AQP4: variants seen among roughly 807,000 people sequenced by gnomAD.
The protein encoded by AQP4 is aquaporin 4.
Under a neutral mutation model 27.8 loss-of-function variants are expected in AQP4, and 18 were observed. The observed-to-expected ratio is 0.65, with a 90% CI of 0.45 to 0.96. The LOEUF (loss-of-function observed/expected upper bound fraction) is 0.96, where lower values mean the gene tolerates loss of function less well. Among genes scored for constraint, AQP4 ranks in the 40% least tolerant of loss-of-function variants. The pLI, the probability that AQP4 is intolerant of heterozygous loss-of-function variation, is 0.00. For synonymous variants in AQP4, 141 were observed against 142.9 expected (o/e 0.99, Z 0.10); for missense variants, 412 against 408.2 (o/e 1.01, Z -0.08).
rs2054834721 is a variant in AQP4, at chr18:26,856,068, T to C, written c.*143A>G. The C allele has an allele frequency of 1.0e-6, 1 of 1,002,114 alleles. No individual in the cohort carries two copies. The allele number at this position is 1,002,114 out of a possible 1,614,324, so 62.1% of individuals were successfully genotyped here. ...TTCCTCCTTTGTAAATTATGAAATA[T>C]TTATTGTTTAGACTGAGTAATATGA... On this transcript the variant is annotated 3_prime_UTR_variant, in exon 5 of 5. Coordinates refer to ENST00000383168, the MANE Select transcript of AQP4 (RefSeq NM_001650.7).
At chr18:26,858,139 G>T (rs1052478329) in intron 4 of AQP4, among the ~76,000 whole-genome samples, 1 of 152,038 alleles carries the variant, frequency 6.6e-6, no homozygotes, top group Non-Finnish European at 1.5e-5. Context: ...GGGCTTGGTG[G>T]TGTGCACCTG....
At chr18:26,860,285 G>A (rs67207056) in intron 4 of AQP4, among the ~76,000 whole-genome samples, 13,290 of 152,172 alleles carry the variant, frequency 0.087, 813 homozygotes, top group Non-Finnish European at 0.12. Flanking sequence ...TATTAATTGA[G>A]TTCATGCATT....
chr18:26,864,860 C>T (rs2055028724), intron 1 of AQP4, among the ~76,000 whole-genome samples: 1 of 152,058 alleles, frequency 6.6e-6, no homozygotes, highest in African/African-American at 2.4e-5. Flanking sequence ...TGCTCACCCC[C>T]TTCACCTCTC....
At chr18:26,861,425 C>T in intron 2 of AQP4, 130 bp from the exon 3 acceptor site, 1 of 868,056 alleles carries the variant, frequency 1.2e-6, no homozygotes, top group Non-Finnish European at 1.8e-6. Context: ...CCACCTTCAA[C>T]TGAGAATTTC....
At chr18:26,865,491 A>G in intron 1 of AQP4, 167 bp downstream of exon 1, 1 of 839,640 alleles carries the variant, frequency 1.2e-6, no homozygotes, top group Non-Finnish European at 2.1e-6. Flanking sequence ...TACCTTCTCT[A>G]TGCCTCTCTT....
At position 26,856,323 on chromosome 18, in the gene AQP4, A is replaced by G; in HGVS notation, c.860T>C (p.Val287Ala). 9 of 1,614,204 alleles carry G rather than the reference A, an allele frequency of 5.6e-6. No homozygotes were observed. The highest frequency in any genetic ancestry group is 7.6e-6 in the Non-Finnish European group (9 of 1,180,032). Residue 287 changes from valine to alanine, a missense_variant, in exon 5 of 5, where the codon GTA (valine) becomes GCA (alanine). Physicochemically the swap from Val to Ala is moderately conservative, Grantham distance 64. Coordinates refer to ENST00000383168, the MANE Select transcript of AQP4 (RefSeq NM_001650.7). ...TTTTAGAATCAGGTCATCCGTCTCTACCTGACTCCTGTTGTCCTCCACCTC... is the reference window on the plus strand; with the variant it reads ...TTTTAGAATCAGGTCATCCGTCTCTGCCTGACTCCTGTTGTCCTCCACCTC... ...YMEVEDNRSQ[V>A]ETDDLILKPG...
intron 3 of AQP4, 125 bp from the exon 4 acceptor site, chr18:26,860,977 AT>A: frequency 7.4e-7 from 1 of 1,357,972 alleles, no homozygotes; most frequent in Non-Finnish European, 1.1e-6. Context: ...CTATATCAAC[AT>A]TCTCATTGAG....
rs775315055 is a variant in AQP4 at position 26,855,942 on chromosome 18, G to A, written c.*269C>T. The A allele has an allele frequency of 4.6e-6, 2 of 430,140 alleles. No individual in the cohort carries two copies. The highest frequency in any genetic ancestry group is 8.5e-6 in the Non-Finnish European group (2 of 235,738). 26.6% of individuals were successfully genotyped at this position (430,140 alleles called of 1,614,324 possible). A position where few individuals can be genotyped will look rare whatever the true frequency, so the allele number is the denominator to read the frequency against. On this transcript the variant is annotated 3_prime_UTR_variant, in exon 5 of 5. Transcript: ENST00000383168. ...TCTTGACACACGGTTAAAATTGGTT[G>A]TTAATGAAAGGTAACTAGATAAAAT...
Position 26,856,251 on chromosome 18 carries a change from T to C in AQP4, c.932A>G (p.Lys311Arg), listed in dbSNP as rs1224886579. ...TACCTCTCCAGATTGGTCTTTCCCC[T>C]TCTTCTCCTCTCCCCGGTCAACGTC... is the stretch of plus-strand genomic sequence containing the variant. The part of the protein sequence containing the change: ...VIDVDRGEEK[K>R]GKDQSGEVLS... Residue 311 changes from lysine to arginine, a missense_variant, in exon 5 of 5, where the codon AAG (lysine) becomes AGG (arginine). Transcript: ENST00000383168. 4.3e-6 allele frequency: 7 copies of C among 1,614,086 alleles called. No individual in the cohort carries two copies. The highest frequency in any genetic ancestry group is 5.9e-6 in the Non-Finnish European group (7 of 1,180,040).
chr18:26,856,191 C>A lies in AQP4; in HGVS notation c.*20G>T, dbSNP rs2054837175. The A allele has an allele frequency of 6.2e-7, 1 of 1,613,912 alleles. No individual in the cohort carries two copies. The highest frequency in any genetic ancestry group is 8.5e-7 in the Non-Finnish European group (1 of 1,179,908). ...GGACAGTTCTAAGGAGTCTTGTCTG[C>A]TTTCAGTGCGATCTTCTAGTCATAC... is the stretch of plus-strand genomic sequence containing the variant. On this transcript the variant is annotated 3_prime_UTR_variant, in exon 5 of 5. Transcript: ENST00000383168.
At chr18:26,861,589 G>A (rs115235731) in intron 2 of AQP4, among the ~76,000 whole-genome samples, 3,571 of 152,214 alleles carry the variant, frequency 0.023, 133 homozygotes, top group African/African-American at 0.082. Context: ...CACTTAACTC[G>A]TAAAAGAATT....
At chr18:26,862,761 C>T (rs939956127) in intron 1 of AQP4, 165 bp from the exon 2 acceptor site, 5 of 824,988 alleles carry the variant, frequency 6.1e-6, no homozygotes, top group South Asian at 1.5e-5. Flanking sequence ...CATGAATAGT[C>T]AAGAGACTGT....
rs2054777324 is a variant in AQP4, at chr18:26,852,996, G to A, written c.*3215C>T. 1 of 397,814 alleles carries A rather than the reference G, an allele frequency of 2.5e-6. No homozygotes were observed. The highest frequency in any genetic ancestry group is 3.6e-5 in the East Asian group (1 of 28,040). 24.6% of individuals were successfully genotyped at this position (397,814 alleles called of 1,614,324 possible). ...TACTGCTCTAGTTTGGAATTTTCCT[G>A]TCATTATCGAGTTTAAACCAATACA... On this transcript the variant is annotated 3_prime_UTR_variant, in exon 5 of 5. Coordinates refer to ENST00000383168, the MANE Select transcript of AQP4 (RefSeq NM_001650.7).
At chr18:26,863,471 C>T (rs2054997275) in intron 1 of AQP4, among the ~76,000 whole-genome samples, 1 of 152,272 alleles carries the variant, frequency 6.6e-6, no homozygotes, top group South Asian at 2.1e-4. Context: ...CCCGCCTGCC[C>T]GCCGGCCCGG....
chr18:26,864,411 G>A (rs969880755), intron 1 of AQP4, among the ~76,000 whole-genome samples: 6 of 152,122 alleles, frequency 3.9e-5, no homozygotes, highest in Non-Finnish European at 2.9e-5. Context: ...CTCCACAGGG[G>A]GGTGGCCAGC....
chr18:26,860,554 G>A, intron 4 of AQP4: 1 of 527,336 alleles, frequency 1.9e-6, no homozygotes, highest in Non-Finnish European at 3.4e-6. Flanking sequence ...ATTATTGGAG[G>A]CCTAGAACCT....
chr18:26,865,042 T>TA (rs1327772020), intron 1 of AQP4, among the ~76,000 whole-genome samples: 3 of 151,938 alleles, frequency 2.0e-5, no homozygotes, highest in Non-Finnish European at 2.9e-5. Context: ...TTTTAGCTTT[T>TA]TTTTTTTTTT....
intron 2 of AQP4, chr18:26,861,978 A>T: frequency 1.5e-6 from 1 of 648,106 alleles, no homozygotes. Context: ...TGTTATTTTT[A>T]AGGCACTCAA....
At chr18:26,863,141 ACTC>A (rs1035684718) in intron 1 of AQP4, 14 of 167,554 alleles carry the variant, frequency 8.4e-5, no homozygotes, top group African/African-American at 3.4e-4. Flanking sequence ...GAGAAAGTGA[ACTC>A]ATTGAGGGGA....
Sources: gnomAD v4.1 joint callset for allele counts (sites outside exome capture counted in the v4.1 genomes callset) on GRCh38, gnomAD v4.1.1 for gene constraint, MANE v1.5 for transcripts, NCBI Gene and HGNC (gene_info 2026-07-23, HGNC 2026-07-21) for gene names.